DOCK11: variants seen among roughly 807,000 people sequenced by gnomAD.
The protein encoded by DOCK11 is dedicator of cytokinesis protein 11.
DOCK11 carries 70 observed loss-of-function variants against 169.1 expected under a neutral mutation model. The ratio of observed to expected loss-of-function variants is 0.41; its 90% confidence interval spans 0.34 to 0.51. The LOEUF (loss-of-function observed/expected upper bound fraction) is 0.51. Ranked by LOEUF, DOCK11 falls within the 20% of genes least tolerant of loss-of-function variation. DOCK11 has a pLI of 0.10. For missense variants in DOCK11, 1,166 were observed against 1,538.8 expected (o/e 0.76, Z 4.05); for synonymous variants, 529 against 541.3 (o/e 0.98, Z 0.32).
intron 1 of DOCK11, among the ~76,000 whole-genome samples, chrX:118,527,828 C>T (rs1374047120): frequency 8.9e-6 from 1 of 111,886 alleles, no homozygotes; most frequent in Non-Finnish European, 1.9e-5. Context: ...TGAACCCTCT[C>T]CCCAAAAAGA....
At chrX:118,585,339 C>T (rs1170211569) in intron 16 of DOCK11, among the ~76,000 whole-genome samples, 1 of 108,571 alleles carries the variant, frequency 9.2e-6, no homozygotes, top group Non-Finnish European at 1.9e-5. Flanking sequence ...GCCATGCTCT[C>T]TCTGAATGCT....
intron 36 of DOCK11, 92 bp downstream of exon 36, chrX:118,636,504 C>T: frequency 2.6e-6 from 1 of 382,495 alleles, no homozygotes; most frequent in South Asian, 7.0e-5. Context: ...AGCTTATTTG[C>T]TAATAATGTA....
intron 45 of DOCK11, among the ~76,000 whole-genome samples, chrX:118,665,100 C>T (rs988559274): frequency 1.8e-5 from 2 of 111,750 alleles, no homozygotes; most frequent in Non-Finnish European, 3.8e-5. Flanking sequence ...CTATCGTGGT[C>T]ACTTCACAAT....
Position 118,536,365 on chromosome X carries a change from A to G in DOCK11, c.103-6360A>G, listed in dbSNP as rs2011753214. 2.7e-5 allele frequency among the ~76,000 whole-genome samples: 3 copies of G among 111,426 alleles called. No homozygotes were observed. The Admixed American group carries it at 2.9e-4, about 11-fold the overall frequency. ...ATGCTGTATAGGGTTCCTCTCTAGA[A>G]GTCTCTAATCTACAGTGGTGGCATC... On this transcript the variant is annotated intron_variant, in intron 1 of 52. Coordinates refer to ENST00000276202, the MANE Select transcript of DOCK11 (RefSeq NM_144658.4).
At chrX:118,582,318 GATC>G (rs959306316) in intron 14 of DOCK11, among the ~76,000 whole-genome samples, 3 of 111,708 alleles carry the variant, frequency 2.7e-5, no homozygotes, top group Non-Finnish European at 3.8e-5. Context: ...GCAGAACATG[GATC>G]AGAACCCAGG....
At chrX:118,532,569 A>G (rs962023386) in intron 1 of DOCK11, among the ~76,000 whole-genome samples, 1 of 109,474 alleles carries the variant, frequency 9.1e-6, no homozygotes, top group African/African-American at 3.3e-5. Flanking sequence ...TCACGAGGTC[A>G]GGAGATCGAG....
chrX:118,657,783 C>G (rs1484924203), intron 44 of DOCK11, among the ~76,000 whole-genome samples: 1 of 110,634 alleles, frequency 9.0e-6, no homozygotes, highest in East Asian at 2.8e-4. Context: ...GGGAGCTAAG[C>G]TATGAGGATT....
chrX:118,506,432 G>C (rs1362102215), intron 1 of DOCK11, among the ~76,000 whole-genome samples: 1 of 111,507 alleles, frequency 9.0e-6, no homozygotes, highest in Non-Finnish European at 1.9e-5. Context: ...TTGAGAGGCC[G>C]AGGTGGGTGG....
intron 40 of DOCK11, among the ~76,000 whole-genome samples, chrX:118,648,156 A>AAT: frequency 1.3e-5 from 1 of 79,657 alleles, no homozygotes; most frequent in East Asian, 3.6e-4. Flanking sequence ...TTAATATATA[A>AAT]TAATATAATA....
chrX:118,522,367 C>G (rs1046840898), intron 1 of DOCK11, among the ~76,000 whole-genome samples: 4 of 111,324 alleles, frequency 3.6e-5, no homozygotes, highest in African/African-American at 1.3e-4. Flanking sequence ...GCTTTGAATC[C>G]TGACTATACT....
rs377267169 is a variant in DOCK11 at position 118,649,153 on chromosome X, C to T, written c.4581+26C>T. ...GTCAGTGAAAATAAAAGCGCCTCTTCATCTTTCTTCTCTTCAATCTTTAAC... is the reference window on the plus strand; with the variant it reads ...GTCAGTGAAAATAAAAGCGCCTCTTTATCTTTCTTCTCTTCAATCTTTAAC... On this transcript the variant is annotated intron_variant, in intron 41 of 52. Coordinates refer to ENST00000276202, the MANE Select transcript of DOCK11 (RefSeq NM_144658.4). 5.3e-6 allele frequency: 6 copies of T among 1,122,118 alleles called. No homozygotes were observed. In the African/African-American group the frequency reaches 1.1e-4, roughly 21 times the overall value. 92.5% of individuals were successfully genotyped at this position (1,122,118 alleles called of 1,213,427 possible).
intron 14 of DOCK11, among the ~76,000 whole-genome samples, chrX:118,582,649 C>T (rs2147408654): frequency 8.9e-6 from 1 of 111,737 alleles, no homozygotes; most frequent in South Asian, 3.7e-4. Context: ...CAAAAGAAGA[C>T]ATTTATGTGG....
At chrX:118,498,964 T>A (rs1054979046) in intron 1 of DOCK11, among the ~76,000 whole-genome samples, 11 of 111,555 alleles carry the variant, frequency 9.9e-5, no homozygotes, top group African/African-American at 3.6e-4. Context: ...ACAGAGAGAC[T>A]GTTCCACTGT....
chrX:118,622,898 A>C (rs2015009559), intron 31 of DOCK11, among the ~76,000 whole-genome samples: 1 of 112,079 alleles, frequency 8.9e-6, no homozygotes, highest in Admixed American at 9.5e-5. Flanking sequence ...CTTGACACCA[A>C]AGTCATGGAA....
chrX:118,674,741 G>A (rs2016567798), intron 46 of DOCK11, among the ~76,000 whole-genome samples: 2 of 112,133 alleles, frequency 1.8e-5, no homozygotes, highest in African/African-American at 3.2e-5. Context: ...GAGGACCCAC[G>A]AAGCTGTTTT....
chrX:118,648,601 A>G (rs2015866793), intron 40 of DOCK11, among the ~76,000 whole-genome samples: 1 of 99,325 alleles, frequency 1.0e-5, no homozygotes, highest in Non-Finnish European at 2.0e-5. Flanking sequence ...TATATATAAT[A>G]TATTAATATA....
chrX:118,583,151 C>T (rs1405915493), intron 14 of DOCK11, among the ~76,000 whole-genome samples: 1 of 111,272 alleles, frequency 9.0e-6, no homozygotes, highest in Non-Finnish European at 1.9e-5. Flanking sequence ...AGCTAGGAAC[C>T]TTCATTCTCA....
intron 31 of DOCK11, among the ~76,000 whole-genome samples, chrX:118,619,518 T>C (rs1331116260): frequency 9.5e-6 from 1 of 105,191 alleles, no homozygotes; most frequent in Non-Finnish European, 1.9e-5. Flanking sequence ...ATATATAGTT[T>C]AGTTAACTGT....
In DOCK11 at chrX:118,618,687, CTT is replaced by C; in HGVS notation, c.3433_3434del (p.Leu1145AspfsTer6). 1 of 1,207,979 alleles carries C rather than the reference CTT, an allele frequency of 8.3e-7. No individual in the cohort carries two copies. The highest frequency in any genetic ancestry group is 1.1e-6 in the Non-Finnish European group (1 of 893,423). The stretch of plus-strand genomic sequence containing the variant: ...TACAGCTATCTCTGTTATAAAGAAT[CTT>C]TTGATAAAACATGCATTTGACACAA... ...RYTAISVIKNLLIKHAFDTRY... is the reference protein window; with the variant it reads ...RYTAISVIKNXLIKHAFDTRY... On this transcript the variant is annotated frameshift_variant, in exon 31 of 53. Transcript: ENST00000276202. LOFTEE classifies it high-confidence loss of function.
Sources: gnomAD v4.1 joint callset for allele counts (sites outside exome capture counted in the v4.1 genomes callset) on GRCh38, gnomAD v4.1.1 for gene constraint, MANE v1.5 for transcripts, NCBI Gene and HGNC (gene_info 2026-07-23, HGNC 2026-07-21) for gene names.